Variants in PSEN1 observed in about 807,000 individuals in gnomAD.
PSEN1 encodes presenilin 1.
Under a neutral mutation model 53.5 loss-of-function variants are expected in PSEN1, and 15 were observed. That is an observed-to-expected ratio of 0.28 (90% CI 0.19 to 0.43). The LOEUF is 0.43. Among genes scored for constraint, PSEN1 ranks in the 20% least tolerant of loss-of-function variants. The probability of loss-of-function intolerance (pLI) is 1.00; values close to 1 mark genes in which losing one functional copy is unlikely to be tolerated. For synonymous variants in PSEN1, 208 were observed against 209.8 expected (o/e 0.99, Z 0.08); for missense variants, 387 against 571.2 (o/e 0.68, Z 3.29).
chr14:73,208,531 G>A (rs888949372), intron 9 of PSEN1, among the ~76,000 whole-genome samples: 1 of 152,074 alleles, frequency 6.6e-6, no homozygotes, highest in Non-Finnish European at 1.5e-5. Context: ...CCACAAGCAG[G>A]TCATCCCATC....
chr14:73,179,380 G>T (rs1898137044), intron 5 of PSEN1, among the ~76,000 whole-genome samples: 1 of 152,206 alleles, frequency 6.6e-6, no homozygotes, highest in African/African-American at 2.4e-5. Context: ...ACTTTGGGAG[G>T]CCAAGGCGGG....
chr14:73,172,665 CT>C (rs1198773030), intron 4 of PSEN1, among the ~76,000 whole-genome samples: 2 of 152,188 alleles, frequency 1.3e-5, no homozygotes, highest in East Asian at 1.9e-4. Context: ...TTCAGTCTGG[CT>C]TTTTACAGAG....
At chr14:73,154,004 G>A (rs961566239) in intron 3 of PSEN1, among the ~76,000 whole-genome samples, 1 of 151,822 alleles carries the variant, frequency 6.6e-6, no homozygotes, top group Non-Finnish European at 1.5e-5. Flanking sequence ...ATGAACCACC[G>A]TGCCTGCCAA....
intron 8 of PSEN1, among the ~76,000 whole-genome samples, chr14:73,200,187 CT>C (rs567228074): frequency 2.3e-3 from 352 of 152,218 alleles, no homozygotes; most frequent in African/African-American, 8.0e-3. Flanking sequence ...ATTATTTGAA[CT>C]TTTTTTCATG....
intron 7 of PSEN1, among the ~76,000 whole-genome samples, chr14:73,194,232 C>A (rs2140096762): frequency 6.6e-6 from 1 of 150,828 alleles, no homozygotes; most frequent in South Asian, 2.1e-4. Context: ...AAGGCCATGG[C>A]CATACTCTTT....
intron 3 of PSEN1, chr14:73,160,139 G>T (rs767464461): frequency 2.2e-5 from 4 of 183,654 alleles, no homozygotes; most frequent in Middle Eastern, 1.3e-3. Flanking sequence ...GATATTTCAT[G>T]TAAGTGGAAT....
At chr14:73,205,087 C>T (rs1899396905) in intron 8 of PSEN1, among the ~76,000 whole-genome samples, 1 of 152,108 alleles carries the variant, frequency 6.6e-6, no homozygotes, top group Non-Finnish European at 1.5e-5. Flanking sequence ...GTGTTTCTTT[C>T]ATAAGTTCTT....
chr14:73,173,770 C>T, intron 5 of PSEN1, 63 bp downstream of exon 5: 1 of 1,552,282 alleles, frequency 6.4e-7, no homozygotes, highest in Non-Finnish European at 8.9e-7. Context: ...GTATTCTTGT[C>T]ACAGTAACTT....
intron 3 of PSEN1, among the ~76,000 whole-genome samples, chr14:73,162,530 G>T (rs1002733386): frequency 6.6e-6 from 1 of 151,476 alleles, no homozygotes. Flanking sequence ...GAGAGAGCAC[G>T]TATCTGCAGT....
chr14:73,146,949 G>A (rs1897088775), intron 1 of PSEN1, among the ~76,000 whole-genome samples: 1 of 152,138 alleles, frequency 6.6e-6, no homozygotes, highest in South Asian at 2.1e-4. Context: ...GCCCCCCTAG[G>A]AGGGTGAACT....
intron 8 of PSEN1, among the ~76,000 whole-genome samples, chr14:73,204,560 G>A (rs2140121340): frequency 6.7e-6 from 1 of 150,320 alleles, no homozygotes; most frequent in Non-Finnish European, 1.5e-5. Context: ...GGAAGAATAT[G>A]TGACACACAA....
chr14:73,170,212 CA>C (rs1897845171), intron 3 of PSEN1, among the ~76,000 whole-genome samples: 1 of 152,136 alleles, frequency 6.6e-6, no homozygotes, highest in Non-Finnish European at 1.5e-5. Context: ...TTCTTTATTG[CA>C]ACCAGTTTTA....
intron 7 of PSEN1, chr14:73,197,703 C>CT (rs1272712779): frequency 3.1e-6 from 1 of 321,956 alleles, no homozygotes; most frequent in Non-Finnish European, 5.9e-6. Context: ...TTAAAATAGT[C>CT]TATCTCATCA....
chr14:73,200,067 C>T (rs1899114872), intron 8 of PSEN1, among the ~76,000 whole-genome samples: 2 of 152,148 alleles, frequency 1.3e-5, no homozygotes, highest in East Asian at 1.9e-4. Flanking sequence ...TAATGCTTGC[C>T]TGTGTCTGTG....
At chr14:73,185,554 A>G (rs1345116798) in intron 5 of PSEN1, among the ~76,000 whole-genome samples, 1 of 152,218 alleles carries the variant, frequency 6.6e-6, no homozygotes, top group Non-Finnish European at 1.5e-5. Context: ...AGTACAGTCC[A>G]GCTTCGGCTC....
chr14:73,148,000 A>G lies in PSEN1; in HGVS notation c.-20A>G. 1 of 1,594,984 alleles carries G rather than the reference A, an allele frequency of 6.3e-7. No individual in the cohort carries two copies. The highest frequency in any genetic ancestry group is 8.6e-7 in the Non-Finnish European group (1 of 1,162,586). ...GAGGCTTTGTTTTCTGTGAAACAGT[A>G]TTTCTATACAGTTGCTCCAATGACA... On this transcript the variant is annotated 5_prime_UTR_variant, in exon 3 of 12. Transcript: ENST00000324501.
At chr14:73,141,080 A>G (rs910428868) in intron 1 of PSEN1, among the ~76,000 whole-genome samples, 2 of 152,250 alleles carry the variant, frequency 1.3e-5, no homozygotes, top group African/African-American at 4.8e-5. Context: ...TGGTTATGCC[A>G]CATCTGCTAA....
rs377090228 is a variant in PSEN1 at position 73,156,833 on chromosome 14, T to G, written c.87+8727T>G. Among the ~76,000 whole-genome samples, 59 of 151,996 alleles carry G rather than the reference T, an allele frequency of 3.9e-4. No homozygotes were observed. The East Asian group carries it at 0.011, about 28-fold the overall frequency. ...GTCCGCCACCATGCCCAGCTAATTT[T>G]TTGTAATTTTAGTAGAGATGGGGTT... is the stretch of plus-strand genomic sequence containing the variant. On this transcript the variant is annotated intron_variant, in intron 3 of 11. Coordinates refer to ENST00000324501, the MANE Select transcript of PSEN1 (RefSeq NM_000021.4).
chr14:73,221,826 A>C lies in PSEN1; in HGVS notation c.*2537A>C, dbSNP rs888322699. On this transcript the variant is annotated 3_prime_UTR_variant, in exon 12 of 12. Transcript: ENST00000324501. ...ACCATGAAAAATAGATTGTCACTGG[A>C]AAGAACAGTAGCAATTTCCATAAGG... 2.6e-5 allele frequency: 4 copies of C among 152,192 alleles called. No individual in the cohort carries two copies. The highest frequency in any genetic ancestry group is 9.7e-5 in the African/African-American group (4 of 41,444). The allele number at this position is 152,192 out of a possible 1,614,324, so 9.4% of individuals were successfully genotyped here.
Sources: gnomAD v4.1 joint callset for allele counts (sites outside exome capture counted in the v4.1 genomes callset) on GRCh38, gnomAD v4.1.1 for gene constraint, MANE v1.5 for transcripts, NCBI Gene and HGNC (gene_info 2026-07-23, HGNC 2026-07-21) for gene names.